The following TENM4 variants were observed in gnomAD, a reference collection of about 807,000 sequenced individuals.
The protein encoded by TENM4 is teneurin-4.
TENM4 carries 82 observed loss-of-function variants against 243.3 expected under a neutral mutation model. The observed-to-expected ratio is 0.34, with a 90% CI of 0.28 to 0.40. TENM4 has a LOEUF of 0.40. TENM4 is among the 10% of genes least tolerant of loss of function. TENM4 has a pLI of 1.00. For missense variants in TENM4, 3,138 were observed against 3,673.3 expected (o/e 0.85, Z 3.77); for synonymous variants, 1,412 against 1,456.3 (o/e 0.97, Z 0.69).
At chr11:78,779,519 T>C (rs989168102) in intron 16 of TENM4, among the ~76,000 whole-genome samples, 1 of 152,218 alleles carries the variant, frequency 6.6e-6, no homozygotes, top group Non-Finnish European at 1.5e-5. Context: ...TGTGTCTATA[T>C]ATGGGTGTCT....
At chr11:78,683,511 G>A (rs1421889432) in intron 29 of TENM4, among the ~76,000 whole-genome samples, 15 of 99,816 alleles carry the variant, frequency 1.5e-4, no homozygotes, top group East Asian at 1.4e-3. Context: ...TCTGAAAAGC[G>A]CAATATTCGG....
chr11:78,774,033 T>A (rs540503678), intron 17 of TENM4, among the ~76,000 whole-genome samples: 1 of 152,356 alleles, frequency 6.6e-6, no homozygotes, highest in South Asian at 2.1e-4. Context: ...CCTAGCACCA[T>A]CATTTTACTT....
At chr11:79,435,725 G>T in intron 1 of TENM4, among the ~76,000 whole-genome samples, 1 of 152,194 alleles carries the variant, frequency 6.6e-6, no homozygotes, top group Non-Finnish European at 1.5e-5. Context: ...TGCTTATCAA[G>T]TCTCATTTTC....
chr11:78,955,058 A>T (rs372021191), intron 6 of TENM4, among the ~76,000 whole-genome samples: 31 of 152,332 alleles, frequency 2.0e-4, no homozygotes, highest in African/African-American at 7.2e-4. Flanking sequence ...AACTGAGCTC[A>T]CATGATAGCA....
intron 1 of TENM4, among the ~76,000 whole-genome samples, chr11:79,327,210 G>A (rs975665154): frequency 2.4e-4 from 37 of 152,306 alleles, no homozygotes; most frequent in Middle Eastern, 3.4e-3. Flanking sequence ...CATAGAAATA[G>A]ATAATTTTAA....
intron 1 of TENM4, among the ~76,000 whole-genome samples, chr11:79,424,349 C>T: frequency 6.6e-6 from 1 of 152,162 alleles, no homozygotes; most frequent in Non-Finnish European, 1.5e-5. Flanking sequence ...ACCTACAATG[C>T]CAGCACTTTG....
chr11:78,672,946 G>A lies in TENM4; in HGVS notation c.5497-617C>T, dbSNP rs1350172110. Among the ~76,000 whole-genome samples, 4 of 151,932 alleles carry A rather than the reference G, an allele frequency of 2.6e-5. No homozygotes were observed. The East Asian group carries it at 7.8e-4, about 30-fold the overall frequency. On this transcript the variant is annotated intron_variant, in intron 30 of 33. Coordinates refer to ENST00000278550, the MANE Select transcript of TENM4 (RefSeq NM_001098816.3). Reference sequence around the variant, plus strand: ...TCTCCTGCTTGCCACTACAATCAGGGCTTCTTGATTGCCACAGTCAGTACC... The same window carrying A: ...TCTCCTGCTTGCCACTACAATCAGGACTTCTTGATTGCCACAGTCAGTACC...
intron 2 of TENM4, among the ~76,000 whole-genome samples, chr11:79,273,576 GAGAGGTTAAGTTGTGTAGCTAGTTCAA>G (rs536110751): frequency 7.9e-5 from 12 of 152,332 alleles, no homozygotes; most frequent in African/African-American, 2.9e-4. Context: ...TCATTTTTAA[GAGAGGTTAAGTTGTGTAGCTAGTTCAA>G]AGAGGTTAAG....
At chr11:78,899,621 TA>T (rs1855885214) in intron 7 of TENM4, among the ~76,000 whole-genome samples, 1 of 146,480 alleles carries the variant, frequency 6.8e-6, no homozygotes, top group Non-Finnish European at 1.5e-5. Context: ...AGGTGGGGCC[TA>T]ATGGGAGGCG....
chr11:79,424,689 C>T (rs902309417), intron 1 of TENM4, among the ~76,000 whole-genome samples: 2 of 151,550 alleles, frequency 1.3e-5, no homozygotes, highest in South Asian at 4.2e-4. Context: ...AATCCCAACA[C>T]TTTGGGAGGC....
chr11:78,840,190 C>T (rs1176041088), intron 12 of TENM4, among the ~76,000 whole-genome samples: 1 of 152,160 alleles, frequency 6.6e-6, no homozygotes, highest in African/African-American at 2.4e-5. Context: ...CACTTACAGG[C>T]CTGAGAAAAC....
intron 1 of TENM4, among the ~76,000 whole-genome samples, chr11:79,332,700 G>A (rs1857081105): frequency 6.6e-6 from 1 of 152,134 alleles, no homozygotes; most frequent in South Asian, 2.1e-4. Context: ...AAGAGCTTAA[G>A]TAGACTATAT....
chr11:79,028,213 G>C (rs373300839), intron 6 of TENM4, among the ~76,000 whole-genome samples: 24 of 152,304 alleles, frequency 1.6e-4, no homozygotes, highest in African/African-American at 5.1e-4. Context: ...TGAAAACACT[G>C]TAAGAGCCCA....
At chr11:78,661,122 C>A (rs1858019953) in intron 33 of TENM4, among the ~76,000 whole-genome samples, 1 of 152,198 alleles carries the variant, frequency 6.6e-6, no homozygotes, top group African/African-American at 2.4e-5. Context: ...CAGAAAATGT[C>A]ACATTTTTAT....
chr11:79,119,861 C>A lies in TENM4; in HGVS notation c.-66+28849G>T, dbSNP rs533977810. 4.3e-4 allele frequency among the ~76,000 whole-genome samples: 65 copies of A among 152,314 alleles called. No individual in the cohort carries two copies. The South Asian group carries it at 0.012, about 29-fold the overall frequency. On this transcript the variant is annotated intron_variant, in intron 4 of 33. Transcript: ENST00000278550. ...TGGTAAACTAGAGCTTGATGACTTG[C>A]AGGGCAGTGGCTGCAAATAGCTCGA...
chr11:78,783,375 AAGTGGGAGTATT>A (rs1856874057), intron 16 of TENM4, among the ~76,000 whole-genome samples: 1 of 152,210 alleles, frequency 6.6e-6, no homozygotes, highest in African/African-American at 2.4e-5. Flanking sequence ...TCATATATGC[AAGTGGGAGTATT>A]AGTGCCATGT....
rs202187381 is a variant in TENM4, at chr11:79,187,923, A to G, written c.-163+27885T>C. 1.8e-4 allele frequency among the ~76,000 whole-genome samples: 28 copies of G among 152,306 alleles called. No homozygotes were observed. The East Asian group carries it at 5.0e-3, about 27-fold the overall frequency. The stretch of plus-strand genomic sequence containing the variant: ...GGAATGCAATTAATTTCTGTTGTTT[A>G]AACCACCCAGTCTGTGCTACTTTGT... On this transcript the variant is annotated intron_variant, in intron 3 of 33. Transcript: ENST00000278550.
At chr11:79,019,608 T>C (rs1458985930) in intron 6 of TENM4, among the ~76,000 whole-genome samples, 2 of 152,242 alleles carry the variant, frequency 1.3e-5, no homozygotes, top group South Asian at 4.1e-4. Flanking sequence ...CATTCTAATT[T>C]ATTATTTCAG....
At chr11:79,373,267 G>A (rs1857821564) in intron 1 of TENM4, among the ~76,000 whole-genome samples, 1 of 149,906 alleles carries the variant, frequency 6.7e-6, no homozygotes, top group African/African-American at 2.5e-5. Context: ...AATGAATAAA[G>A]GTGTAGATGG....
Sources: gnomAD v4.1 joint callset for allele counts (sites outside exome capture counted in the v4.1 genomes callset) on GRCh38, gnomAD v4.1.1 for gene constraint, MANE v1.5 for transcripts, NCBI Gene and HGNC (gene_info 2026-07-23, HGNC 2026-07-21) for gene names.